Variants in MMP26 observed in about 807,000 individuals in gnomAD.
MMP26 encodes the protein matrix metallopeptidase 26, also known as matrix metalloproteinase-26.
In MMP26, 33 loss-of-function variants were observed where a neutral mutation model predicts 31.0. The ratio of observed to expected loss-of-function variants is 1.06; its 90% CI spans 0.81 to 1.42. The LOEUF (loss-of-function observed/expected upper bound fraction) is 1.42, where lower values mean the gene tolerates loss of function less well. Ranked by LOEUF, MMP26 falls within the 40% of genes most tolerant of loss-of-function variation. MMP26 has a pLI of 0.00. For missense variants in MMP26, 347 were observed against 316.1 expected (o/e 1.10, Z -0.74); for synonymous variants, 122 against 114.9 (o/e 1.06, Z -0.40).
At chr11:4,742,267 G>A (rs1848324604) in intron 1 of MMP26, among the ~76,000 whole-genome samples, 1 of 152,170 alleles carries the variant, frequency 6.6e-6, no homozygotes, top group African/African-American at 2.4e-5. Context: ...TTGACTAGAG[G>A]ACAAAGACAA....
chr11:4,913,406 A>G (rs1016678931), intron 2 of MMP26: 1 of 152,214 alleles, frequency 6.6e-6, no homozygotes, highest in African/African-American at 2.4e-5. Flanking sequence ...AAAACCATGC[A>G]GGAACATGAC....
chr11:4,839,248 G>T (rs1391351460), intron 2 of MMP26, among the ~76,000 whole-genome samples: 1 of 151,972 alleles, frequency 6.6e-6, no homozygotes, highest in Non-Finnish European at 1.5e-5. Context: ...AAGTAAACTT[G>T]AAAGGCAGTC....
chr11:4,859,141 C>G (rs1349148422), intron 2 of MMP26, among the ~76,000 whole-genome samples: 1 of 152,158 alleles, frequency 6.6e-6, no homozygotes, highest in Non-Finnish European at 1.5e-5. Context: ...CTAGGCAATT[C>G]CATTCAGGAC....
intron 2 of MMP26, among the ~76,000 whole-genome samples, chr11:4,873,730 G>T (rs1391281804): frequency 5.3e-5 from 8 of 151,928 alleles, no homozygotes; most frequent in African/African-American, 1.9e-4. Flanking sequence ...TTTATTATTT[G>T]CCTGGTGCTT....
At chr11:4,769,271 A>G (rs371059084) in intron 2 of MMP26, 1 of 1,613,736 alleles carries the variant, frequency 6.2e-7, no homozygotes, top group Non-Finnish European at 8.5e-7. Flanking sequence ...TGACAGGACA[A>G]TGCATGGTGT....
intron 1 of MMP26, chr11:4,723,047 A>G: frequency 8.9e-7 from 1 of 1,119,370 alleles, no homozygotes; most frequent in African/African-American, 1.5e-5. Flanking sequence ...GGCCAGTTTG[A>G]CTTTCATCAG....
At chr11:4,830,772 A>C (rs1414117781) in intron 2 of MMP26, among the ~76,000 whole-genome samples, 1 of 152,242 alleles carries the variant, frequency 6.6e-6, no homozygotes, top group African/African-American at 2.4e-5. Flanking sequence ...CTCCAGGAGT[A>C]TGATCAGGAT....
chr11:4,771,113 G>C (rs1033996098), intron 2 of MMP26, among the ~76,000 whole-genome samples: 2 of 152,144 alleles, frequency 1.3e-5, no homozygotes, highest in Non-Finnish European at 2.9e-5. Context: ...GGGGTATCAG[G>C]TAGATGGAGA....
intron 1 of MMP26, chr11:4,723,391 G>T: frequency 1.1e-6 from 1 of 945,714 alleles, no homozygotes; most frequent in Non-Finnish European, 1.7e-6. Context: ...CTTGTACTGC[G>T]CCTTGACCTC....
chr11:4,799,756 G>A (rs913861000), intron 2 of MMP26, among the ~76,000 whole-genome samples: 1 of 152,144 alleles, frequency 6.6e-6, no homozygotes, highest in Non-Finnish European at 1.5e-5. Context: ...TACAATGGTG[G>A]TACAGGCATT....
chr11:4,861,996 C>G (rs11823192), intron 2 of MMP26, among the ~76,000 whole-genome samples: 1 of 152,034 alleles, frequency 6.6e-6, no homozygotes, highest in African/African-American at 2.4e-5. Flanking sequence ...CTCTTTAATC[C>G]AGCCAAATTT....
intron 2 of MMP26, among the ~76,000 whole-genome samples, chr11:4,984,988 A>G (rs10734468): frequency 0.68 from 102,913 of 151,938 alleles, 35,431 homozygotes; most frequent in African/African-American, 0.8. Context: ...TTTCAAAACT[A>G]CTATAGATTT....
intron 2 of MMP26, chr11:4,877,981 A>C (rs560829993): frequency 6.6e-6 from 1 of 152,286 alleles, no homozygotes; most frequent in African/African-American, 2.4e-5. Context: ...ATACAGAACA[A>C]TTTTATCACT....
chr11:4,925,624 G>A (rs1160051386), intron 2 of MMP26, among the ~76,000 whole-genome samples: 1 of 152,054 alleles, frequency 6.6e-6, no homozygotes, highest in Non-Finnish European at 1.5e-5. Context: ...GGAAAGATGG[G>A]GGGTCAGTTC....
At chr11:4,907,419 T>A (rs1434162931) in intron 2 of MMP26, 1 of 1,613,964 alleles carries the variant, frequency 6.2e-7, no homozygotes, top group Non-Finnish European at 8.5e-7. Context: ...CTGATTGGGA[T>A]CCCAGGACTG....
intron 2 of MMP26, chr11:4,859,820 T>C (rs1272113183): frequency 2.1e-6 from 1 of 471,432 alleles, no homozygotes. Flanking sequence ...AGGAGCACGG[T>C]AGACATGTGA....
intron 2 of MMP26, chr11:4,946,952 A>T: frequency 2.5e-6 from 4 of 1,605,822 alleles, no homozygotes; most frequent in Non-Finnish European, 3.4e-6. Context: ...TGTCTTGATG[A>T]TAAAAAGAAT....
At chr11:4,747,364 C>T (rs1358036826) in intron 1 of MMP26, among the ~76,000 whole-genome samples, 1 of 152,016 alleles carries the variant, frequency 6.6e-6, no homozygotes, top group Admixed American at 6.6e-5. Context: ...GGAAAAGTGT[C>T]CTTAAGAAAC....
chr11:4,746,365 G>A (rs535050074), intron 1 of MMP26, among the ~76,000 whole-genome samples: 167 of 152,184 alleles, frequency 1.1e-3, no homozygotes, highest in African/African-American at 3.7e-3. Context: ...CTTGAAAGAA[G>A]GTAAATCTAT....
Sources: allele counts gnomAD v4.1 joint callset (sites outside exome capture counted in the v4.1 genomes callset), GRCh38; gene constraint gnomAD v4.1.1; transcripts MANE v1.5; gene names NCBI Gene and HGNC (gene_info 2026-07-23, HGNC 2026-07-21).